GPM6A: variants seen among roughly 807,000 people sequenced by gnomAD.
GPM6A encodes the protein neuronal membrane glycoprotein M6-a.
Under a neutral mutation model 32.1 loss-of-function variants are expected in GPM6A, and 7 were observed. That is an observed-to-expected ratio of 0.22 (90% confidence interval 0.12 to 0.41). The LOEUF is 0.41. Ranked by LOEUF, GPM6A falls within the 10% of genes least tolerant of loss-of-function variation. The pLI, the probability that GPM6A is intolerant of heterozygous loss-of-function variation, is 1.00. For missense variants in GPM6A, 235 were observed against 347.2 expected (o/e 0.68, Z 2.57); for synonymous variants, 130 against 123.4 (o/e 1.05, Z -0.35).
Position 175,923,104 on chromosome 4 carries a change from T to A in GPM6A, c.-23+79205A>T, listed in dbSNP as rs183644198. 1.5e-3 allele frequency among the ~76,000 whole-genome samples: 229 copies of A among 151,702 alleles called. 2 individuals are homozygous for A. Among genetic ancestry groups the A allele is most frequent in the African/African-American group, 5.1e-3 (212 of 41,440 alleles). On this transcript the variant is annotated intron_variant, in intron 1 of 7. Transcript: ENST00000280187. ...ATTCATATAAAAATTGATTTATAAA[T>A]CTTTTTCTAGAAAATATAAATGCTG...
At chr4:175,645,048 C>G (rs930645401) in intron 4 of GPM6A, among the ~76,000 whole-genome samples, 1 of 151,966 alleles carries the variant, frequency 6.6e-6, no homozygotes, top group Non-Finnish European at 1.5e-5. Flanking sequence ...TGCAGTGAGA[C>G]GAGATCACGC....
At chr4:175,820,747 C>T (rs1344674247) in intron 1 of GPM6A, among the ~76,000 whole-genome samples, 1 of 152,096 alleles carries the variant, frequency 6.6e-6, no homozygotes, top group Non-Finnish European at 1.5e-5. Context: ...GATCCACCTA[C>T]CTCAGCCTCC....
intron 1 of GPM6A, among the ~76,000 whole-genome samples, chr4:175,968,647 CAT>C: frequency 6.6e-6 from 1 of 152,170 alleles, no homozygotes; most frequent in South Asian, 2.1e-4. Flanking sequence ...CCAAAGATGA[CAT>C]AGAGATTATA....
chr4:175,647,800 G>A (rs954003941), intron 4 of GPM6A, among the ~76,000 whole-genome samples: 4 of 152,074 alleles, frequency 2.6e-5, no homozygotes, highest in Non-Finnish European at 4.4e-5. Context: ...CTCTTCTGAT[G>A]CTTCTTGATA....
At chr4:175,975,431 A>G (rs1579679136) in intron 1 of GPM6A, among the ~76,000 whole-genome samples, 1 of 152,146 alleles carries the variant, frequency 6.6e-6, no homozygotes, top group East Asian at 1.9e-4. Flanking sequence ...GATATAACTA[A>G]CCATGTTTAC....
chr4:175,928,428 G>A (rs1054340497), intron 1 of GPM6A, among the ~76,000 whole-genome samples: 1 of 152,166 alleles, frequency 6.6e-6, no homozygotes, highest in African/African-American at 2.4e-5. Flanking sequence ...CACACGTGGT[G>A]CCTTGGCTAA....
At chr4:175,707,058 C>A (rs899769446) in intron 1 of GPM6A, among the ~76,000 whole-genome samples, 1 of 152,190 alleles carries the variant, frequency 6.6e-6, no homozygotes, top group Non-Finnish European at 1.5e-5. Flanking sequence ...ATTGCTCCCC[C>A]CTTTCCCCAA....
rs140992943 is a variant in GPM6A, at chr4:175,695,424, G to A, written c.230+6151C>T. ...ACAGGGGTAAAGCTTCCCAAAGCCT[G>A]GGGGGGCCCAACCTTTGCAGTGTGC... On this transcript the variant is annotated intron_variant, in intron 2 of 6. Transcript: ENST00000393658. 2.6e-3 allele frequency among the ~76,000 whole-genome samples: 392 copies of A among 152,170 alleles called. 5 individuals carry two copies. Among genetic ancestry groups the A allele is most frequent in the African/African-American group, 9.1e-3 (377 of 41,550 alleles).
chr4:175,961,729 C>T (rs115094258), intron 1 of GPM6A, among the ~76,000 whole-genome samples: 2 of 152,052 alleles, frequency 1.3e-5, no homozygotes, highest in South Asian at 2.1e-4. Flanking sequence ...GCAGCTCTTT[C>T]GAAAAACACC....
At chr4:175,664,213 A>C (rs1742604975) in intron 3 of GPM6A, among the ~76,000 whole-genome samples, 1 of 152,176 alleles carries the variant, frequency 6.6e-6, no homozygotes, top group African/African-American at 2.4e-5. Context: ...TGGGTGGAGC[A>C]CAGAGGATTT....
At chr4:175,901,019 G>A (rs991365675) in intron 1 of GPM6A, among the ~76,000 whole-genome samples, 6 of 152,024 alleles carry the variant, frequency 3.9e-5, no homozygotes, top group African/African-American at 1.2e-4. Context: ...AATAAGCCAG[G>A]CACAGAAATA....
At chr4:175,861,325 A>C (rs1489685610) in intron 1 of GPM6A, among the ~76,000 whole-genome samples, 1 of 151,434 alleles carries the variant, frequency 6.6e-6, no homozygotes, top group Non-Finnish European at 1.5e-5. Context: ...AAAAAGGATA[A>C]AAATATAAAA....
chr4:175,815,718 C>CTTTTTTTT (rs60711329), upstream of GPM6A, among the ~76,000 whole-genome samples: 38 of 127,038 alleles, frequency 3.0e-4, 1 homozygote, highest in Admixed American at 5.1e-4. Flanking sequence ...TTTTTCTTTT[C>CTTTTTTTT]TTTTTTTTTT....
At chr4:175,740,722 T>A (rs1731856038) in intron 1 of GPM6A, among the ~76,000 whole-genome samples, 1 of 152,136 alleles carries the variant, frequency 6.6e-6, no homozygotes, top group Non-Finnish European at 1.5e-5. Flanking sequence ...GTTTACCTCT[T>A]TTAGTTTTTA....
chr4:175,939,931 C>T (rs895676773), intron 1 of GPM6A, among the ~76,000 whole-genome samples: 6 of 151,630 alleles, frequency 4.0e-5, no homozygotes, highest in Non-Finnish European at 8.8e-5. Flanking sequence ...TGGTTCCAGA[C>T]TACATATAAT....
intron 1 of GPM6A, among the ~76,000 whole-genome samples, chr4:175,858,697 T>C (rs1025144865): frequency 1.3e-4 from 20 of 152,084 alleles, no homozygotes; most frequent in Non-Finnish European, 2.4e-4. Context: ...ATATCAACCA[T>C]ATGATCGATC....
At chr4:175,691,027 T>C (rs935325615) in intron 2 of GPM6A, among the ~76,000 whole-genome samples, 16 of 152,204 alleles carry the variant, frequency 1.1e-4, no homozygotes, top group Non-Finnish European at 2.2e-4. Context: ...AAACCTGAGG[T>C]ATCTTACTGA....
chr4:175,856,386 G>A (rs1736417214), intron 1 of GPM6A, among the ~76,000 whole-genome samples: 1 of 152,206 alleles, frequency 6.6e-6, no homozygotes, highest in African/African-American at 2.4e-5. Context: ...GTGAGTGGGT[G>A]CAGGAGCCAT....
chr4:175,749,437 T>TA (rs887536353), intron 1 of GPM6A, among the ~76,000 whole-genome samples: 46 of 152,274 alleles, frequency 3.0e-4, no homozygotes, highest in African/African-American at 1.1e-3. Context: ...CTTCAATTTA[T>TA]AAAAAATGCA....
Sources: allele counts gnomAD v4.1 joint callset (sites outside exome capture counted in the v4.1 genomes callset), GRCh38; gene constraint gnomAD v4.1.1; transcripts MANE v1.5; gene names NCBI Gene and HGNC (gene_info 2026-07-23, HGNC 2026-07-21).